ZBTB7C: variants seen among roughly 807,000 people sequenced by gnomAD.
ZBTB7C encodes zinc finger and BTB domain containing 7C.
In ZBTB7C, 8 loss-of-function variants were observed where a neutral mutation model predicts 25.7. The ratio of observed to expected loss-of-function variants is 0.31; its 90% CI spans 0.18 to 0.56. The LOEUF (loss-of-function observed/expected upper bound fraction) is 0.56. Among genes scored for constraint, ZBTB7C ranks in the 20% least tolerant of loss-of-function variants. ZBTB7C has a pLI of 0.91. For synonymous variants in ZBTB7C, 394 were observed against 369.0 expected, an observed-to-expected ratio of 1.07 and a Z score of -0.78; for missense variants, 824 against 855.2, an observed-to-expected ratio of 0.96 and a Z score of 0.46.
At chr18:48,384,921 A>G (rs972695610) in intron 1 of ZBTB7C, among the ~76,000 whole-genome samples, 2 of 151,750 alleles carry the variant, frequency 1.3e-5, no homozygotes, top group Non-Finnish European at 2.9e-5. Context: ...GACTCTAGTG[A>G]TCCACCTGCC....
chr18:48,393,842 C>T (rs1382512008), intron 1 of ZBTB7C, among the ~76,000 whole-genome samples: 11 of 152,134 alleles, frequency 7.2e-5, no homozygotes, highest in African/African-American at 7.2e-5. Flanking sequence ...TTCAGGAAGA[C>T]GAGACCCTCC....
intron 3 of ZBTB7C, among the ~76,000 whole-genome samples, chr18:48,125,833 G>T (rs1030222182): frequency 2.0e-5 from 3 of 152,206 alleles, no homozygotes; most frequent in African/African-American, 7.2e-5. Flanking sequence ...GTCTGGTGTG[G>T]TGTGGCTGCA....
upstream of ZBTB7C, chr18:48,409,478 T>G (rs2048357732): frequency 7.0e-6 from 1 of 143,358 alleles, no homozygotes; most frequent in South Asian, 1.9e-4. Flanking sequence ...GCCGCGGCTG[T>G]CAGCCCCGCG....
intron 2 of ZBTB7C, among the ~76,000 whole-genome samples, chr18:48,286,522 A>G (rs1366600430): frequency 6.6e-6 from 1 of 151,538 alleles, no homozygotes; most frequent in Non-Finnish European, 1.5e-5. Flanking sequence ...AGGAAAATAT[A>G]TTAATATAAT....
chr18:48,341,789 T>C (rs1422710498), intron 1 of ZBTB7C, among the ~76,000 whole-genome samples: 1 of 152,244 alleles, frequency 6.6e-6, no homozygotes, highest in African/African-American at 2.4e-5. Context: ...AATGATTCAC[T>C]GTCAATGCTG....
intron 2 of ZBTB7C, among the ~76,000 whole-genome samples, chr18:48,256,744 G>A (rs2044032726): frequency 6.6e-6 from 1 of 151,956 alleles, no homozygotes; most frequent in African/African-American, 2.4e-5. Context: ...ATGTACTATT[G>A]TAAGGTTTGT....
chr18:48,382,206 ATG>A (rs2047648453), intron 1 of ZBTB7C, among the ~76,000 whole-genome samples: 1 of 152,204 alleles, frequency 6.6e-6, no homozygotes, highest in African/African-American at 2.4e-5. Flanking sequence ...CCATTTACAC[ATG>A]TGATTTAGAA....
chr18:48,179,479 G>A (rs1016899137), intron 3 of ZBTB7C, among the ~76,000 whole-genome samples: 2 of 152,134 alleles, frequency 1.3e-5, no homozygotes, highest in South Asian at 4.1e-4. Context: ...GGGCTTCCCA[G>A]GGCTGGTGGG....
intron 1 of ZBTB7C, among the ~76,000 whole-genome samples, chr18:48,388,718 C>T (rs1232929003): frequency 6.6e-6 from 1 of 152,138 alleles, no homozygotes; most frequent in Non-Finnish European, 1.5e-5. Flanking sequence ...CACTGCCCTC[C>T]AGCCTGGGCA....
intron 1 of ZBTB7C, among the ~76,000 whole-genome samples, chr18:48,382,228 T>C (rs2047648942): frequency 1.3e-5 from 2 of 152,180 alleles, no homozygotes; most frequent in East Asian, 3.8e-4. Flanking sequence ...AATATGGCTA[T>C]AAGCACAAAA....
At chr18:48,092,348 C>T (rs193297790) in intron 3 of ZBTB7C, among the ~76,000 whole-genome samples, 162 of 152,338 alleles carry the variant, frequency 1.1e-3, no homozygotes, top group Admixed American at 3.5e-3. Context: ...GGAGCAGCTG[C>T]GCTGGGCCCA....
intron 1 of ZBTB7C, among the ~76,000 whole-genome samples, chr18:48,381,198 A>G (rs2047627035): frequency 6.6e-6 from 1 of 152,094 alleles, no homozygotes; most frequent in Admixed American, 6.5e-5. Flanking sequence ...AGGGATAACC[A>G]AGAAAGAAGA....
intron 2 of ZBTB7C, among the ~76,000 whole-genome samples, chr18:48,188,227 G>A (rs1197510548): frequency 6.6e-6 from 1 of 152,170 alleles, no homozygotes; most frequent in Non-Finnish European, 1.5e-5. Context: ...TGATAATAAA[G>A]ACATACCCGA....
At chr18:48,113,797 C>T (rs538121116) in intron 3 of ZBTB7C, among the ~76,000 whole-genome samples, 137 of 152,370 alleles carry the variant, frequency 9.0e-4, no homozygotes, top group African/African-American at 3.2e-3. Context: ...GCTCTCTGTG[C>T]GAGGCGTACG....
intron 4 of ZBTB7C, among the ~76,000 whole-genome samples, chr18:48,034,986 C>T (rs933327666): frequency 1.3e-5 from 2 of 152,284 alleles, no homozygotes; most frequent in South Asian, 4.1e-4. Context: ...TCTTGTAACC[C>T]GATGGTTTGA....
chr18:48,142,684 C>T (rs954132679), intron 3 of ZBTB7C, among the ~76,000 whole-genome samples: 2 of 152,096 alleles, frequency 1.3e-5, no homozygotes, highest in Admixed American at 6.5e-5. Flanking sequence ...GGGCCTGTCA[C>T]CATGGATCCC....
intron 2 of ZBTB7C, among the ~76,000 whole-genome samples, chr18:48,264,711 C>T (rs1328678045): frequency 1.3e-5 from 2 of 152,206 alleles, no homozygotes; most frequent in African/African-American, 4.8e-5. Flanking sequence ...AAATGGTCTG[C>T]TCACATGGGG....
chr18:48,308,328 C>T (rs1017118775), intron 2 of ZBTB7C, among the ~76,000 whole-genome samples: 7 of 152,206 alleles, frequency 4.6e-5, no homozygotes, highest in African/African-American at 1.4e-4. Context: ...AGCTATTGTT[C>T]CTCAAAGGGC....
intron 3 of ZBTB7C, among the ~76,000 whole-genome samples, chr18:48,153,389 T>C (rs1425004061): frequency 6.6e-6 from 1 of 152,106 alleles, no homozygotes. Flanking sequence ...GGAGCTAGAT[T>C]GCACCCACTC....
Sources: allele counts gnomAD v4.1 joint callset (sites outside exome capture counted in the v4.1 genomes callset), GRCh38; gene constraint gnomAD v4.1.1; transcripts MANE v1.5; gene names NCBI Gene and HGNC (gene_info 2026-07-23, HGNC 2026-07-21).